ANK3: variants seen among roughly 807,000 people sequenced by gnomAD.
ANK3 encodes ankyrin-3.
Under a neutral mutation model 370.9 loss-of-function variants are expected in ANK3, and 57 were observed. The observed-to-expected ratio is 0.15, with a 90% CI of 0.12 to 0.19. The LOEUF (loss-of-function observed/expected upper bound fraction) is 0.19, where lower values mean the gene tolerates loss of function less well. Ranked by LOEUF, ANK3 falls within the 10% of genes least tolerant of loss-of-function variation. The probability of loss-of-function intolerance (pLI) is 1.00; values close to 1 mark genes in which losing one functional copy is unlikely to be tolerated. For missense variants in ANK3, 4,439 were observed against 5,302.1 expected, an observed-to-expected ratio of 0.84 and a Z score of 5.06; for synonymous variants, 1,929 against 1,946.3, an observed-to-expected ratio of 0.99 and a Z score of 0.23.
intron 1 of ANK3, among the ~76,000 whole-genome samples, chr10:60,648,302 G>A (rs2078738919): frequency 2.1e-5 from 3 of 141,914 alleles, no homozygotes; most frequent in Non-Finnish European, 4.6e-5. Flanking sequence ...ACAGGCATGA[G>A]CCACCATGCC....
chr10:60,594,110 T>A (rs1419975976), intron 2 of ANK3, among the ~76,000 whole-genome samples: 1 of 152,232 alleles, frequency 6.6e-6, no homozygotes, highest in Non-Finnish European at 1.5e-5. Context: ...TTAATTTTCA[T>A]AATTTTCATA....
At chr10:60,610,037 CA>C (rs982307237) in intron 2 of ANK3, among the ~76,000 whole-genome samples, 163 of 151,784 alleles carry the variant, frequency 1.1e-3, no homozygotes, top group African/African-American at 3.7e-3. Context: ...TATTCACCAC[CA>C]AAATGATAAA....
intron 1 of ANK3, among the ~76,000 whole-genome samples, chr10:60,386,001 T>C (rs1245499419): frequency 6.6e-6 from 1 of 152,166 alleles, no homozygotes; most frequent in Non-Finnish European, 1.5e-5. Context: ...GTCAATGTGC[T>C]AGGACTGCAG....
At chr10:60,145,980 A>C (rs2094803167) in intron 23 of ANK3, 2 of 977,832 alleles carry the variant, frequency 2.0e-6, no homozygotes, top group East Asian at 5.2e-5. Flanking sequence ...TTCACCGTAA[A>C]CTCTTGTACC....
intron 1 of ANK3, among the ~76,000 whole-genome samples, chr10:60,304,149 G>A (rs1441288875): frequency 6.6e-6 from 1 of 151,946 alleles, no homozygotes; most frequent in East Asian, 1.9e-4. Flanking sequence ...TTTCAGTTAT[G>A]AAAAATGAAT....
intron 2 of ANK3, among the ~76,000 whole-genome samples, chr10:60,396,346 T>C (rs780554182): frequency 2.0e-5 from 3 of 152,196 alleles, no homozygotes; most frequent in Non-Finnish European, 4.4e-5. Context: ...GGTATTTCAC[T>C]CTATTAGGGT....
At chr10:60,520,410 C>T (rs982428653) in intron 2 of ANK3, among the ~76,000 whole-genome samples, 2 of 152,018 alleles carry the variant, frequency 1.3e-5, no homozygotes, top group Non-Finnish European at 2.9e-5. Context: ...ACATACACTA[C>T]CTAAATCTAA....
chr10:60,314,428 C>A (rs543544169), intron 1 of ANK3, among the ~76,000 whole-genome samples: 1 of 152,204 alleles, frequency 6.6e-6, no homozygotes, highest in Non-Finnish European at 1.5e-5. Flanking sequence ...CAGGAGTTAA[C>A]CAAATTAACC....
intron 41 of ANK3, among the ~76,000 whole-genome samples, chr10:60,059,063 A>T (rs1564676316): frequency 6.6e-6 from 1 of 152,254 alleles, no homozygotes; most frequent in Non-Finnish European, 1.5e-5. Context: ...ACAAGTAATA[A>T]AGTAGAAAAG....
At chr10:60,547,877 T>C (rs893533342) in intron 2 of ANK3, among the ~76,000 whole-genome samples, 1 of 152,174 alleles carries the variant, frequency 6.6e-6, no homozygotes, top group Non-Finnish European at 1.5e-5. Flanking sequence ...ATATAGAAGG[T>C]TGTAGCCATC....
chr10:60,308,875 T>G (rs1270660908), intron 1 of ANK3, among the ~76,000 whole-genome samples: 1 of 152,154 alleles, frequency 6.6e-6, no homozygotes, highest in Non-Finnish European at 1.5e-5. Flanking sequence ...ATAACTCCCC[T>G]GGCATTGGAT....
In ANK3 at chr10:60,074,518, A is replaced by G. The variant is rs1428204796; in HGVS notation, c.6363T>C (p.Asp2121=). 1.2e-6 allele frequency: 2 copies of G among 1,613,748 alleles called. No individual in the cohort carries two copies. Among genetic ancestry groups the G allele is most frequent in the Non-Finnish European group, 1.7e-6 (2 of 1,179,924 alleles). The change falls in exon 37 of 44, where the codon GAT becomes GAC. Residue 2121 remains aspartate, a synonymous_variant. Coordinates refer to ENST00000280772, the MANE Select transcript of ANK3 (RefSeq NM_020987.5). The stretch of plus-strand genomic sequence containing the variant: ...AGCCACTGTCAGACAAGGGACTTTT[A>G]TCTTGGTCGTGTTGAGAAAAGTCAT... ...SPDDFSQHDQ[D]KSPLSDSGFE...
At chr10:60,421,388 G>A (rs183369791) in intron 2 of ANK3, among the ~76,000 whole-genome samples, 91 of 152,108 alleles carry the variant, frequency 6.0e-4, no homozygotes, top group African/African-American at 1.5e-3. Flanking sequence ...CTTAATAAAC[G>A]TGGGGGAGGA....
At chr10:60,128,380 TTTTC>T (rs1477982255) in intron 25 of ANK3, among the ~76,000 whole-genome samples, 3 of 93,508 alleles carry the variant, frequency 3.2e-5, no homozygotes, top group Admixed American at 9.9e-5. Context: ...TCTTCATTTT[TTTTC>T]TTTTTTTTTT....
chr10:60,398,431 A>C (rs2063287512), intron 2 of ANK3, among the ~76,000 whole-genome samples: 1 of 152,300 alleles, frequency 6.6e-6, no homozygotes, highest in Admixed American at 6.5e-5. Flanking sequence ...TTATGTGTAC[A>C]TACATGTATA....
intron 1 of ANK3, among the ~76,000 whole-genome samples, chr10:60,626,175 C>T (rs2078407281): frequency 6.6e-6 from 1 of 152,140 alleles, no homozygotes; most frequent in Admixed American, 6.5e-5. Flanking sequence ...ATTATTTCTC[C>T]TGACCTCCAT....
In ANK3 at chr10:60,666,304, G is replaced by GTT. The variant is rs2078995198; in HGVS notation, c.58-51081_58-51080insAA. 2.0e-5 allele frequency among the ~76,000 whole-genome samples: 3 copies of GTT among 152,182 alleles called. No individual in the cohort carries two copies. The East Asian group carries it at 5.8e-4, about 29-fold the overall frequency. ...AAGTGAAATAAGCCAGTCACAAAAA[G>GTT]ACAAATACTGTATGACTCCACTTAT... On this transcript the variant is annotated intron_variant, in intron 1 of 43. Transcript: ENST00000373827.
chr10:60,052,411 T>A (rs1307215954), intron 42 of ANK3, among the ~76,000 whole-genome samples: 2 of 152,222 alleles, frequency 1.3e-5, no homozygotes, highest in African/African-American at 4.8e-5. Context: ...AATATCAGCA[T>A]AATTTGTACC....
At chr10:60,558,643 T>G (rs984799960) in intron 2 of ANK3, among the ~76,000 whole-genome samples, 1 of 152,296 alleles carries the variant, frequency 6.6e-6, no homozygotes, top group South Asian at 2.1e-4. Flanking sequence ...TATACTTATG[T>G]TAATAATCCA....
Sources: gnomAD v4.1 joint callset for allele counts (sites outside exome capture counted in the v4.1 genomes callset) on GRCh38, gnomAD v4.1.1 for gene constraint, MANE v1.5 for transcripts, NCBI Gene and HGNC (gene_info 2026-07-23, HGNC 2026-07-21) for gene names.